The following PAX7 variants were observed in gnomAD, a reference collection of about 807,000 sequenced individuals.
PAX7 encodes paired box protein Pax-7.
PAX7 carries 18 observed loss-of-function variants against 50.7 expected under a neutral mutation model. The observed-to-expected ratio is 0.36, with a 90% CI of 0.25 to 0.53. PAX7 has a LOEUF of 0.53. Ranked by LOEUF, PAX7 falls within the 20% of genes least tolerant of loss-of-function variation. The pLI is 0.93. For missense variants in PAX7, 644 were observed against 702.9 expected, an observed-to-expected ratio of 0.92 and a Z score of 0.95; for synonymous variants, 310 against 290.4, an observed-to-expected ratio of 1.07 and a Z score of -0.69.
rs575572398 is a variant in PAX7, at chr1:18,737,237, C to T, written c.1402+1359C>T. Among the ~76,000 whole-genome samples the T allele has an allele frequency of 2.2e-4, 34 of 152,380 alleles. No homozygotes were observed. The South Asian group carries it at 6.2e-3, about 28-fold the overall frequency. ...GCTGGTGTCAAACTAATCAGAAGGG[C>T]GTGTGGCAAGAGGGTGAGGCCCCCA... On this transcript the variant is annotated intron_variant, in intron 8 of 8. Transcript: ENST00000420770.
intron 7 of PAX7, among the ~76,000 whole-genome samples, chr1:18,710,118 T>C (rs2089332280): frequency 6.6e-6 from 1 of 152,218 alleles, no homozygotes; most frequent in South Asian, 2.1e-4. Context: ...CCAGATCCCA[T>C]GTAAGCACTT....
At chr1:18,643,408 G>A (rs992291086) in intron 4 of PAX7, among the ~76,000 whole-genome samples, 2 of 152,224 alleles carry the variant, frequency 1.3e-5, no homozygotes, top group South Asian at 4.1e-4. Flanking sequence ...GAGGAGGAGA[G>A]AGCTAGAAAA....
chr1:18,683,308 G>A (rs74056072), intron 4 of PAX7, among the ~76,000 whole-genome samples: 1 of 152,176 alleles, frequency 6.6e-6, no homozygotes, highest in Admixed American at 6.5e-5. Context: ...ACCGAGGAAG[G>A]CTTACCTGTC....
chr1:18,745,545 C>G lies in PAX7; in HGVS notation c.*616C>G, dbSNP rs1166751088. On this transcript the variant is annotated 3_prime_UTR_variant, in exon 9 of 9. Transcript: ENST00000420770. ...CCCAGGAATTTGAAGGACTTCAGAA[C>G]CCTCCCCAGACACCTCTACTGGGTG... is the stretch of plus-strand genomic sequence containing the variant. The G allele has an allele frequency of 2.2e-5, 5 of 231,356 alleles. No homozygotes were observed. The highest frequency in any genetic ancestry group is 4.3e-5 in the Non-Finnish European group (5 of 117,088). The allele number at this position is 231,356 out of a possible 1,614,324, so 14.3% of individuals were successfully genotyped here. A position where few individuals can be genotyped will look rare whatever the true frequency, so the allele number is the denominator to read the frequency against.
At chr1:18,647,491 TG>T (rs558050354) in intron 4 of PAX7, among the ~76,000 whole-genome samples, 126 of 43,212 alleles carry the variant, frequency 2.9e-3, no homozygotes, top group East Asian at 0.013. Context: ...TTGGGCGGGG[TG>T]GGGGGGGAGA....
chr1:18,645,781 G>A (rs776929392), intron 4 of PAX7, among the ~76,000 whole-genome samples: 5 of 152,200 alleles, frequency 3.3e-5, no homozygotes, highest in Non-Finnish European at 7.3e-5. Flanking sequence ...AGACTTGGGA[G>A]TTGGAAGGAG....
intron 4 of PAX7, among the ~76,000 whole-genome samples, chr1:18,677,665 C>T (rs964364527): frequency 6.6e-6 from 1 of 152,210 alleles, no homozygotes. Context: ...GAAACTGGCA[C>T]AGAGTCCTGG....
At chr1:18,689,070 G>T (rs2089019269) in intron 4 of PAX7, among the ~76,000 whole-genome samples, 1 of 152,072 alleles carries the variant, frequency 6.6e-6, no homozygotes, top group Non-Finnish European at 1.5e-5. Flanking sequence ...CCCAGAGACT[G>T]CACTCCCTAC....
chr1:18,688,839 G>A (rs1274672124), intron 4 of PAX7, among the ~76,000 whole-genome samples: 3 of 152,252 alleles, frequency 2.0e-5, no homozygotes, highest in South Asian at 2.1e-4. Context: ...ATTTGAACCC[G>A]GGAGATGGAG....
chr1:18,736,200 C>T (rs1166218616), intron 8 of PAX7: 2 of 577,842 alleles, frequency 3.5e-6, no homozygotes, highest in East Asian at 2.9e-5. Flanking sequence ...CGTGGTGGCT[C>T]ATGCCTGTAA....
intron 4 of PAX7, among the ~76,000 whole-genome samples, chr1:18,667,010 C>T (rs999508325): frequency 3.9e-5 from 6 of 152,072 alleles, no homozygotes; most frequent in African/African-American, 7.2e-5. Context: ...TGAGACGCTC[C>T]GTAGCTTCTC....
At position 18,726,411 on chromosome 1, in the gene PAX7, C is replaced by T. The variant is rs1362239298; in HGVS notation, c.1156-9221C>T. Among the ~76,000 whole-genome samples, 1 of 152,240 alleles carries T rather than the reference C, an allele frequency of 6.6e-6. No individual in the cohort carries two copies. The highest frequency in any genetic ancestry group is 6.5e-5 in the Admixed American group (1 of 15,286). Reference sequence around the variant, plus strand: ...TCAGGATAAAAAGATAAATTCATTTCTTCATTCATGAATTCCTCACTTAGC... The same window carrying T: ...TCAGGATAAAAAGATAAATTCATTTTTTCATTCATGAATTCCTCACTTAGC... On this transcript the variant is annotated intron_variant, in intron 7 of 8. Transcript: ENST00000420770. This position sits in a 1 kb window ranked among gnomAD's most constrained non-coding sequence, Gnocchi z 4.8.
intron 4 of PAX7, among the ~76,000 whole-genome samples, chr1:18,685,265 G>A (rs1342727249): frequency 6.6e-6 from 1 of 152,222 alleles, no homozygotes; most frequent in Admixed American, 6.5e-5. Context: ...AAAAGGGCTT[G>A]TAAACTGTAG....
chr1:18,728,645 G>A (rs2089609049), intron 7 of PAX7, among the ~76,000 whole-genome samples: 1 of 150,960 alleles, frequency 6.6e-6, no homozygotes, highest in Admixed American at 6.6e-5. Flanking sequence ...CAGATCACCT[G>A]AGGTCAGGAG....
chr1:18,638,320 C>T (rs1295420250), intron 4 of PAX7, among the ~76,000 whole-genome samples: 1 of 152,166 alleles, frequency 6.6e-6, no homozygotes, highest in East Asian at 1.9e-4. Flanking sequence ...GAATGCGGGG[C>T]GTTCCATGCT....
At chr1:18,648,917 A>C (rs1474582242) in intron 4 of PAX7, among the ~76,000 whole-genome samples, 1 of 152,126 alleles carries the variant, frequency 6.6e-6, no homozygotes, top group African/African-American at 2.4e-5. Context: ...GCAAGGAGAC[A>C]TGGTTAGGAG....
chr1:18,656,864 C>A (rs571479094), intron 4 of PAX7, among the ~76,000 whole-genome samples: 1 of 151,804 alleles, frequency 6.6e-6, no homozygotes, highest in African/African-American at 2.4e-5. Flanking sequence ...TGGTGGGGCA[C>A]GCCTGTGGTC....
chr1:18,704,422 A>C (rs1458900558), intron 7 of PAX7, among the ~76,000 whole-genome samples: 1 of 152,122 alleles, frequency 6.6e-6, no homozygotes, highest in African/African-American at 2.4e-5. Flanking sequence ...AGAGTTCGAG[A>C]CCAGCCTGGC....
intron 4 of PAX7, among the ~76,000 whole-genome samples, chr1:18,638,315 C>T (rs2088195027): frequency 6.6e-6 from 1 of 152,152 alleles, no homozygotes; most frequent in Admixed American, 6.5e-5. Context: ...CCAGGGAATG[C>T]GGGGCGTTCC....
Sources: allele counts gnomAD v4.1 joint callset (sites outside exome capture counted in the v4.1 genomes callset), GRCh38; gene constraint gnomAD v4.1.1; non-coding constraint Gnocchi (gnomAD v3.1); transcripts MANE v1.5; gene names NCBI Gene and HGNC (gene_info 2026-07-23, HGNC 2026-07-21).